Variants in ACSBG2 observed in about 807,000 individuals in gnomAD.
ACSBG2 encodes long-chain-fatty-acid--CoA ligase ACSBG2.
A neutral mutation model predicts 74.7 loss-of-function variants in ACSBG2; 62 were observed. The ratio of observed to expected loss-of-function variants is 0.83; its 90% confidence interval spans 0.68 to 1.03. The LOEUF (loss-of-function observed/expected upper bound fraction) is 1.03, where lower values mean the gene tolerates loss of function less well. Ranked by LOEUF, ACSBG2 falls within the 50% of genes least tolerant of loss-of-function variation. ACSBG2 has a pLI of 0.00. For synonymous variants in ACSBG2, 309 were observed against 294.1 expected, an observed-to-expected ratio of 1.05 and a Z score of -0.52; for missense variants, 730 against 817.6, an observed-to-expected ratio of 0.89 and a Z score of 1.31.
chr19:6,145,809 C>A (rs926295470), intron 2 of ACSBG2, among the ~76,000 whole-genome samples: 6 of 152,144 alleles, frequency 3.9e-5, no homozygotes, highest in African/African-American at 1.4e-4. Context: ...CAGGCAACCC[C>A]CTCAACAACC....
intron 3 of ACSBG2, among the ~76,000 whole-genome samples, chr19:6,150,686 C>T (rs2089205745): frequency 6.6e-6 from 1 of 151,950 alleles, no homozygotes; most frequent in Non-Finnish European, 1.5e-5. Flanking sequence ...GTGCCAGGGG[C>T]TGGGGAAGGG....
chr19:6,162,255 ACT>A (rs2054231015), intron 6 of ACSBG2, among the ~76,000 whole-genome samples: 1 of 94,766 alleles, frequency 1.1e-5, no homozygotes, highest in Non-Finnish European at 2.0e-5. Flanking sequence ...ACAGAGTGAG[ACT>A]CTGTCTCAAA....
Position 6,156,483 on chromosome 19 carries a change from G to A in ACSBG2, c.439G>A (p.Val147Ile). 1 of 1,596,308 alleles carries A rather than the reference G, an allele frequency of 6.3e-7. No individual in the cohort carries two copies. The highest frequency in any genetic ancestry group is 8.5e-7 in the Non-Finnish European group (1 of 1,173,148). ...CAACTCTGCCGAGGTTTGTCAATAT[G>A]TCATCACTCATGCCAAAGTGAACAT... Reference protein sequence around the residue: ...ATNSAEVCQYVITHAKVNILL... With the variant: ...ATNSAEVCQYIITHAKVNILL... Residue 147 changes from valine (V) to isoleucine (I), a missense_variant, in exon 5 of 15, where the codon GTC becomes ATC. Coordinates refer to ENST00000588485, the MANE Select transcript of ACSBG2 (RefSeq NM_030924.5).
At chr19:6,184,037 A>C (rs778031089) in intron 10 of ACSBG2, among the ~76,000 whole-genome samples, 5 of 152,090 alleles carry the variant, frequency 3.3e-5, no homozygotes, top group Non-Finnish European at 7.4e-5. Flanking sequence ...TCCTGGACTC[A>C]AGCAATCCTC....
chr19:6,156,389 G>GGT, intron 4 of ACSBG2, 42 bp from the exon 5 acceptor site: 2 of 1,552,596 alleles, frequency 1.3e-6, no homozygotes, highest in South Asian at 2.5e-5. Flanking sequence ...CTGCCTTTAA[G>GGT]GTGTGTGTGG....
In ACSBG2 at chr19:6,180,624, C is replaced by CT. The variant is rs750367214; in HGVS notation, c.907-2125dup. Reference sequence around the variant, plus strand: ...TCAATCTGAATAGTGACAAAAGTGTCTTAATATTTTCAGAAATTTCCAGAT... The same window carrying CT: ...TCAATCTGAATAGTGACAAAAGTGTCTTTAATATTTTCAGAAATTTCCAGAT... On this transcript the variant is annotated intron_variant, in intron 8 of 14. Coordinates refer to ENST00000588485, the MANE Select transcript of ACSBG2 (RefSeq NM_030924.5). This position sits in a 1 kb window ranked among gnomAD's most constrained non-coding sequence, Gnocchi z 4.3. 4.6e-4 allele frequency among the ~76,000 whole-genome samples: 70 copies of CT among 152,206 alleles called. No individual in the cohort carries two copies. The highest frequency in any genetic ancestry group is 7.8e-4 in the Non-Finnish European group (53 of 68,042).
intron 11 of ACSBG2, among the ~76,000 whole-genome samples, chr19:6,186,302 T>A (rs1405803175): frequency 6.6e-6 from 1 of 152,254 alleles, no homozygotes; most frequent in Admixed American, 6.5e-5. Flanking sequence ...CAAAAACAGC[T>A]GTTGACAACA....
At chr19:6,168,656 T>C (rs2089880502) in intron 7 of ACSBG2, among the ~76,000 whole-genome samples, 1 of 152,228 alleles carries the variant, frequency 6.6e-6, no homozygotes, top group Non-Finnish European at 1.5e-5. Context: ...GCTGCATGTG[T>C]GGTAAGACAT....
chr19:6,155,785 G>A (rs201658712), intron 4 of ACSBG2, among the ~76,000 whole-genome samples: 12 of 68,234 alleles, frequency 1.8e-4, no homozygotes, highest in East Asian at 1.2e-3. Context: ...GCTAGACCCT[G>A]TCTCAAAAAA....
chr19:6,176,241 T>C, intron 7 of ACSBG2: 1 of 1,310,640 alleles, frequency 7.6e-7, no homozygotes, highest in Non-Finnish European at 9.8e-7. Context: ...CCCAAGAGGC[T>C]GAAGTGGGGG....
In ACSBG2 at chr19:6,185,548, G is replaced by T; in HGVS notation, c.1435G>T (p.Glu479Ter). ...RHIFMGYLES[E>*]TETTEAIDDE... Reference sequence around the variant, plus strand: ...CATCTTCATGGGCTATCTGGAAAGTGAGACTGAAACTACAGAGGCCATCGA... The same window carrying T: ...CATCTTCATGGGCTATCTGGAAAGTTAGACTGAAACTACAGAGGCCATCGA... The change falls in exon 11 of 15, where the codon GAG becomes TAG. Residue 479 changes from glutamate to a stop codon, truncating the protein, a stop_gained. Transcript: ENST00000588485. LOFTEE classifies it high-confidence loss of function. 6.2e-7 allele frequency: 1 copy of T among 1,614,196 alleles called. No homozygotes were observed.
intron 5 of ACSBG2, 137 bp from the exon 6 acceptor site, chr19:6,161,078 C>A: frequency 1.7e-6 from 1 of 575,456 alleles, no homozygotes; most frequent in Non-Finnish European, 2.9e-6. Flanking sequence ...CCAGCCTGGG[C>A]GACAGAGCAA....
chr19:6,182,483 C>T lies in ACSBG2; in HGVS notation c.907-268C>T, dbSNP rs565623441. On this transcript the variant is annotated intron_variant, in intron 8 of 14. Transcript: ENST00000588485. ...CCTTCACCCACAGAAGTGAAGTTGA[C>T]AGGTTGCACTTAAAATGTTAATAGA... Among the ~76,000 whole-genome samples, 6 of 152,326 alleles carry T rather than the reference C, an allele frequency of 3.9e-5. No homozygotes were observed. In the South Asian group the frequency reaches 8.3e-4, roughly 21 times the overall value.
intron 6 of ACSBG2, among the ~76,000 whole-genome samples, chr19:6,163,794 A>AC (rs1417091916): frequency 6.7e-6 from 1 of 148,976 alleles, no homozygotes; most frequent in Non-Finnish European, 1.5e-5. Flanking sequence ...AAAAAAAAAA[A>AC]AAAAAAACAG....
intron 11 of ACSBG2, 152 bp from the exon 12 acceptor site, chr19:6,187,131 A>T: frequency 1.0e-6 from 1 of 982,650 alleles, no homozygotes; most frequent in Middle Eastern, 3.4e-4. Flanking sequence ...CAACCTCCCG[A>T]GTAGCTGGGA....
At chr19:6,182,971 G>A (rs1276136543) in intron 9 of ACSBG2, 39 bp downstream of exon 9, 22 of 1,612,800 alleles carry the variant, frequency 1.4e-5, no homozygotes, top group Non-Finnish European at 1.8e-5. Flanking sequence ...GGTAGTTGGT[G>A]AGGAGGCTCA....
chr19:6,183,343 G>C, intron 10 of ACSBG2, 71 bp downstream of exon 10: 2 of 1,353,076 alleles, frequency 1.5e-6, no homozygotes, highest in South Asian at 1.2e-5. Context: ...TGGGTGGATA[G>C]ATGGGCCTCT....
At chr19:6,183,913 C>A (rs2090329971) in intron 10 of ACSBG2, among the ~76,000 whole-genome samples, 1 of 152,122 alleles carries the variant, frequency 6.6e-6, no homozygotes, top group Non-Finnish European at 1.5e-5. Context: ...ATTCCTCCTG[C>A]CTCAGCCTCC....
At chr19:6,144,611 C>G (rs775635182) in intron 2 of ACSBG2, among the ~76,000 whole-genome samples, 54 of 152,186 alleles carry the variant, frequency 3.5e-4, no homozygotes, top group Non-Finnish European at 7.1e-4. Context: ...TTCAGACACC[C>G]GGTCTGGGGC....
Sources: gnomAD v4.1 joint callset for allele counts (sites outside exome capture counted in the v4.1 genomes callset) on GRCh38, gnomAD v4.1.1 for gene constraint, Gnocchi (gnomAD v3.1) non-coding constraint, MANE v1.5 for transcripts, NCBI Gene and HGNC (gene_info 2026-07-23, HGNC 2026-07-21) for gene names.